PUM1: variants seen among roughly 807,000 people sequenced by gnomAD.
The protein encoded by PUM1 is pumilio RNA binding family member 1.
In PUM1, 13 loss-of-function variants were observed where a neutral mutation model predicts 131.8. The observed-to-expected ratio is 0.10, with a 90% confidence interval of 0.06 to 0.16. PUM1 has a LOEUF of 0.16. PUM1 is among the 10% of genes least tolerant of loss of function. The pLI is 1.00. For missense variants in PUM1, 961 were observed against 1,512.4 expected (o/e 0.64, Z 6.05); for synonymous variants, 509 against 556.5 (o/e 0.91, Z 1.20).
rs138460561 is a variant in PUM1 at position 31,039,384 on chromosome 1, G to A, written c.364-10520C>T. 5.7e-3 allele frequency among the ~76,000 whole-genome samples: 866 copies of A among 151,482 alleles called. 6 individuals are homozygous for A. The highest frequency in any genetic ancestry group is 0.018 in the African/African-American group (726 of 41,256). On this transcript the variant is annotated intron_variant, in intron 2 of 21. Coordinates refer to ENST00000426105, the MANE Select transcript of PUM1 (RefSeq NM_001020658.2). ...ACTACAGGCGCCTGATACCACACCC[G>A]GCTAATTTTTTTGTATTTTTAGTAT...
intron 7 of PUM1, among the ~76,000 whole-genome samples, chr1:30,991,051 T>A (rs1182062508): frequency 6.8e-6 from 1 of 146,552 alleles, no homozygotes; most frequent in Non-Finnish European, 1.5e-5. Flanking sequence ...CAACTCTGAT[T>A]ATGAAGTAAA....
intron 3 of PUM1, among the ~76,000 whole-genome samples, chr1:31,020,023 T>C (rs773856234): frequency 6.6e-6 from 1 of 152,096 alleles, no homozygotes; most frequent in South Asian, 2.1e-4. Context: ...ATAGTGAACA[T>C]AGTTACCCAA....
intron 10 of PUM1, among the ~76,000 whole-genome samples, chr1:30,971,759 A>G (rs1640879549): frequency 6.6e-6 from 1 of 152,248 alleles, no homozygotes; most frequent in African/African-American, 2.4e-5. Flanking sequence ...TAAGAGAAAT[A>G]GAAATTACAT....
chr1:31,010,241 C>G (rs769395178), intron 3 of PUM1, among the ~76,000 whole-genome samples: 3 of 152,162 alleles, frequency 2.0e-5, no homozygotes, highest in Admixed American at 2.0e-4. Context: ...AAAACATATG[C>G]GTCTATACTC....
intron 2 of PUM1, among the ~76,000 whole-genome samples, chr1:31,043,743 T>TA (rs1643892831): frequency 6.6e-6 from 1 of 152,182 alleles, no homozygotes; most frequent in Non-Finnish European, 1.5e-5. Context: ...CAAGTTTATT[T>TA]ACAGTGTTAG....
rs1165718911 is a variant in PUM1, at chr1:30,967,282, G to A, written c.1674C>T (p.Tyr558=). ...PGYPVLAPAA[Y]YDQTGALVVN... ...CTACAAGGGCACCAGTTTGGTCATAGTAAGCAGCAGGAGCCAACACCGGAT... is the reference window on the plus strand; with the variant it reads ...CTACAAGGGCACCAGTTTGGTCATAATAAGCAGCAGGAGCCAACACCGGAT... The change falls in exon 12 of 22, where the codon TAC becomes TAT. Residue 558 remains tyrosine, a synonymous_variant. Coordinates refer to ENST00000426105, the MANE Select transcript of PUM1 (RefSeq NM_001020658.2). 2 of 1,614,000 alleles carry A rather than the reference G, an allele frequency of 1.2e-6. No individual in the cohort carries two copies. The highest frequency in any genetic ancestry group is 1.1e-5 in the South Asian group (1 of 91,064).
At chr1:31,041,013 C>T (rs1224392207) in intron 2 of PUM1, among the ~76,000 whole-genome samples, 1 of 152,092 alleles carries the variant, frequency 6.6e-6, no homozygotes, top group Non-Finnish European at 1.5e-5. Flanking sequence ...TGAACATCTC[C>T]AGGCAAGAAA....
intron 2 of PUM1, among the ~76,000 whole-genome samples, chr1:31,058,691 C>T (rs12039914): frequency 0.25 from 38,322 of 150,586 alleles, 5,855 homozygotes; most frequent in East Asian, 0.53. Flanking sequence ...TTCTATAGGC[C>T]GGGCGTGGGT....
chr1:31,065,407 C>A (rs1308034361), intron 1 of PUM1, among the ~76,000 whole-genome samples: 1 of 152,012 alleles, frequency 6.6e-6, no homozygotes, highest in Non-Finnish European at 1.5e-5. Context: ...CTCCCCACCC[C>A]CTCCCTCCTT....
At chr1:31,019,291 G>A (rs1642934726) in intron 3 of PUM1, among the ~76,000 whole-genome samples, 1 of 152,230 alleles carries the variant, frequency 6.6e-6, no homozygotes, top group African/African-American at 2.4e-5. Flanking sequence ...GATGGAGGTT[G>A]CAGTGAGCCA....
chr1:31,039,267 G>A (rs1279433262), intron 2 of PUM1, among the ~76,000 whole-genome samples: 1 of 150,218 alleles, frequency 6.7e-6, no homozygotes, highest in East Asian at 2.0e-4. Flanking sequence ...CACCCAGGCT[G>A]GAGTGCAGTG....
rs745416506 is a variant in PUM1, at chr1:31,059,429, C to T, written c.138G>A (p.Ala46=). The change falls in exon 2 of 22, where the codon GCG becomes GCA. Residue 46 remains alanine (A), a synonymous_variant. Transcript: ENST00000426105. ...VVLTSGTGSQ[A]QPQPAANQAL... is the part of the protein sequence containing the mutation. ...CCTGATTTGCAGCTGGTTGTGGCTG[C>T]GCTTGCGACCCTGTTCCAGATGTCA... 8 of 1,613,996 alleles carry T rather than the reference C, an allele frequency of 5.0e-6. No individual in the cohort carries two copies. Among genetic ancestry groups the T allele is most frequent in the Admixed American group, 3.3e-5 (2 of 60,006 alleles).
intron 2 of PUM1, among the ~76,000 whole-genome samples, chr1:31,047,897 G>A (rs1030621765): frequency 3.3e-5 from 5 of 152,168 alleles, no homozygotes; most frequent in East Asian, 1.9e-4. Context: ...AGCCGAGATC[G>A]CACCACTGCA....
At chr1:31,046,259 G>A (rs1208379173) in intron 2 of PUM1, among the ~76,000 whole-genome samples, 2 of 151,294 alleles carry the variant, frequency 1.3e-5, no homozygotes, top group Admixed American at 6.6e-5. Context: ...GGTGGCGCAC[G>A]CCTGTAATCA....
chr1:31,009,045 T>C (rs972450746), intron 3 of PUM1, among the ~76,000 whole-genome samples: 1 of 148,346 alleles, frequency 6.7e-6, no homozygotes, highest in Non-Finnish European at 1.5e-5. Context: ...TGGCCGGGCG[T>C]GGTGGTGTGT....
At chr1:31,030,580 G>A (rs1286645164) in intron 2 of PUM1, among the ~76,000 whole-genome samples, 2 of 152,210 alleles carry the variant, frequency 1.3e-5, no homozygotes, top group Middle Eastern at 3.4e-3. Context: ...GCACGGTGAT[G>A]CACGCCTATG....
Position 31,059,352 on chromosome 1 carries a change from GCAA to G in PUM1, c.212_214del (p.Val71del), listed in dbSNP as rs1449893224. The G allele has an allele frequency of 5.0e-6, 8 of 1,614,196 alleles. No homozygotes were observed. The Middle Eastern group carries it at 9.9e-4, about 200-fold the overall frequency. ...CATAGCGTCGTCCTGGGAACGGCCT[GCAA>G]CTCCTATAGATCCTGGGACAGGGCT... On this transcript the variant is annotated inframe_deletion, in exon 2 of 22. Coordinates refer to ENST00000426105, the MANE Select transcript of PUM1 (RefSeq NM_001020658.2).
At chr1:30,968,293 T>A (rs1173613768) in intron 11 of PUM1, 61 bp downstream of exon 11, 1 of 1,593,148 alleles carries the variant, frequency 6.3e-7, no homozygotes, top group Non-Finnish European at 8.6e-7. Context: ...CCCTCTGTAA[T>A]CACCTCAAAC....
intron 3 of PUM1, among the ~76,000 whole-genome samples, chr1:31,009,696 A>T (rs1642525152): frequency 6.7e-6 from 1 of 149,320 alleles, no homozygotes. Flanking sequence ...TGAACCAGGG[A>T]CGCAGAGGTT....
Sources: gnomAD v4.1 joint callset for allele counts (sites outside exome capture counted in the v4.1 genomes callset) on GRCh38, gnomAD v4.1.1 for gene constraint, MANE v1.5 for transcripts, NCBI Gene and HGNC (gene_info 2026-07-23, HGNC 2026-07-21) for gene names.